Variants in SERPINB4 observed in about 807,000 individuals in gnomAD.
SERPINB4 encodes the protein serpin family B member 4.
In SERPINB4, 39 loss-of-function variants were observed where a neutral mutation model predicts 33.2. The ratio of observed to expected loss-of-function variants is 1.18; its 90% CI spans 0.91 to 1.53. The LOEUF is 1.53. Among genes scored for constraint, SERPINB4 ranks in the 40% most tolerant of loss-of-function variants. SERPINB4 has a pLI of 0.00. For missense variants in SERPINB4, 564 were observed against 455.4 expected (o/e 1.24, Z -2.17); for synonymous variants, 191 against 166.4 (o/e 1.15, Z -1.14).
Position 63,639,342 on chromosome 18 carries a change from T to C in SERPINB4, c.613-2A>G, listed in dbSNP as rs370292490. The C allele has an allele frequency of 2.6e-5, 41 of 1,599,196 alleles. No homozygotes were observed. Among genetic ancestry groups the C allele is most frequent in the Non-Finnish European group, 3.2e-5 (38 of 1,170,496 alleles). ...CATCTGTACAGATTTGTATGTATTC[T>C]GCAATAAATCAATGTGTCCAACAAA... On this transcript the variant is annotated splice_acceptor_variant, in intron 6 of 7. Transcript: ENST00000341074. LOFTEE classifies it high-confidence loss of function.
chr18:63,639,345 AATAAATC>A lies in SERPINB4; in HGVS notation c.613-12_613-6del. The stretch of plus-strand genomic sequence containing the variant: ...CTGTACAGATTTGTATGTATTCTGC[AATAAATC>A]AATGTGTCCAACAAATAACACGTGA... On this transcript the variant is annotated splice_region_variant and splice_polypyrimidine_tract_variant and intron_variant, in intron 6 of 7. Transcript: ENST00000341074. 1 of 1,597,454 alleles carries A rather than the reference AATAAATC, an allele frequency of 6.3e-7. No homozygotes were observed. Among genetic ancestry groups the A allele is most frequent in the Non-Finnish European group, 8.6e-7 (1 of 1,168,992 alleles).
chr18:63,641,105 G>A (rs1369498728), intron 4 of SERPINB4, 114 bp from the exon 5 acceptor site: 2 of 798,246 alleles, frequency 2.5e-6, no homozygotes, highest in African/African-American at 1.7e-5. Context: ...AATAGATGCA[G>A]TATCTCCTGT....
rs781632378 is a variant in SERPINB4 at position 63,639,753 on chromosome 18, C to T, written c.493G>A (p.Asp165Asn). The T allele has an allele frequency of 3.7e-6, 6 of 1,611,338 alleles. No homozygotes were observed. The highest frequency in any genetic ancestry group is 5.1e-6 in the Non-Finnish European group (6 of 1,178,376). The change falls in exon 6 of 8, where the codon GAT (aspartate) becomes AAT (asparagine). Residue 165 changes from aspartate to asparagine, a missense_variant. Physicochemically the swap from Asp to Asn is conservative, Grantham distance 23 (BLOSUM62 1). Coordinates refer to ENST00000341074, the MANE Select transcript of SERPINB4 (RefSeq NM_002974.4). ...TNEKIKNLFP[D>N]GTIGNDTTLV... ...GTCGTATCATTGCCAATAGTCCCAT[C>T]AGGAAATAGGTTTTTAATTTTTTCT...
rs755293512 is a variant in SERPINB4, at chr18:63,638,052, G to T, written c.840C>A (p.Val280=). ...TSLQNMRETC[V]DLHLPRFKME... ...TTTTGAACCGAGGTAAGTGTAAATCGACACATGTCTCTCTCATATTCTGCA... is the reference window on the plus strand; with the variant it reads ...TTTTGAACCGAGGTAAGTGTAAATCTACACATGTCTCTCTCATATTCTGCA... The change falls in exon 8 of 8, where the codon GTC becomes GTA. Residue 280 remains valine, a synonymous_variant. Coordinates refer to ENST00000341074, the MANE Select transcript of SERPINB4 (RefSeq NM_002974.4). The T allele has an allele frequency of 2.3e-5, 37 of 1,613,348 alleles. No homozygotes were observed. Among genetic ancestry groups the T allele is most frequent in the Non-Finnish European group, 3.1e-5 (36 of 1,179,704 alleles).
Position 63,643,432 on chromosome 18 carries a change from G to A in SERPINB4, c.146C>T (p.Thr49Ile), listed in dbSNP as rs1427395825. 2 of 1,613,604 alleles carry A rather than the reference G, an allele frequency of 1.2e-6. No homozygotes were observed. Among genetic ancestry groups the A allele is most frequent in the African/African-American group, 2.7e-5 (2 of 74,896 alleles). Residue 49 changes from threonine (T) to isoleucine (I), a missense_variant, in exon 2 of 8, where the codon ACT becomes ATT. By Grantham distance (89) the Thr-to-Ile change is moderately conservative. Coordinates refer to ENST00000341074, the MANE Select transcript of SERPINB4 (RefSeq NM_002974.4). ...AGCTACCTTGCTAATTTGTTGTGCA[G>A]TGTTGTCTTTGGCTCCTAAGAGGAC... Reference protein sequence around the residue: ...GMVLLGAKDNTAQQISKVLHF... With the variant: ...GMVLLGAKDNIAQQISKVLHF...
rs576622613 is a variant in SERPINB4 at position 63,637,484 on chromosome 18, C to T, written c.*235G>A. The T allele has an allele frequency of 6.9e-5, 30 of 431,838 alleles. No individual in the cohort carries two copies. Among genetic ancestry groups the T allele is most frequent in the South Asian group, 1.8e-4 (3 of 16,380 alleles). The allele number at this position is 431,838 out of a possible 1,614,324, so 26.8% of individuals were successfully genotyped here. ...ATTAAATGATTCATCTTATCTTGGA[C>T]ATTTTTCCTCAAGGGAAATTTTTCT... is the stretch of plus-strand genomic sequence containing the variant. On this transcript the variant is annotated 3_prime_UTR_variant, in exon 8 of 8. Transcript: ENST00000341074.
Position 63,640,919 on chromosome 18 carries a change from C to A in SERPINB4, c.424G>T (p.Glu142Ter), listed in dbSNP as rs1250534593. ...CAGGAGTTAATCTTCTTTCGACTTT[C>A]TTCTGGAGCATTTGCAAAATCAGTA... The part of the protein sequence containing the change: ...ESTDFANAPE[E>*]SRKKINSWVE... Residue 142 changes from glutamate (E) to a stop codon, truncating the protein, a stop_gained, in exon 5 of 8, where the codon GAA becomes TAA. Coordinates refer to ENST00000341074, the MANE Select transcript of SERPINB4 (RefSeq NM_002974.4). LOFTEE classifies it high-confidence loss of function. The A allele has an allele frequency of 1.9e-6, 3 of 1,612,714 alleles. No homozygotes were observed. Among genetic ancestry groups the A allele is most frequent in the Non-Finnish European group, 2.5e-6 (3 of 1,179,262 alleles).
intron 4 of SERPINB4, 143 bp from the exon 5 acceptor site, chr18:63,641,134 A>G (rs531514914): frequency 1.6e-5 from 11 of 674,492 alleles, no homozygotes; most frequent in Non-Finnish European, 2.5e-5. Context: ...ATTTTTATAC[A>G]GGTGTCATGT....
rs764290423 is a variant in SERPINB4, at chr18:63,637,764, A to G, written c.1128T>C (p.Asn376=). ...NHPFLFFIRQ[N]KTNSILFYGR... is the part of the protein sequence containing the mutation. ...CATAGAAGAGGATGCTGTTGGTCTT[A>G]TTTTGCCTTATGAAGAATAGGAAAG... The change falls in exon 8 of 8, where the codon AAT becomes AAC. Residue 376 remains asparagine, a synonymous_variant. Coordinates refer to ENST00000341074, the MANE Select transcript of SERPINB4 (RefSeq NM_002974.4). 1 of 1,613,154 alleles carries G rather than the reference A, an allele frequency of 6.2e-7. No homozygotes were observed. Among genetic ancestry groups the G allele is most frequent in the African/African-American group, 1.3e-5 (1 of 74,956 alleles).
At chr18:63,642,919 T>G (rs562850064) in intron 3 of SERPINB4, 37 of 522,634 alleles carry the variant, frequency 7.1e-5, no homozygotes, top group Non-Finnish European at 1.2e-4. Flanking sequence ...AGCTGGAGTC[T>G]GAACCCAGCC....
chr18:63,641,609 GGA>G, intron 4 of SERPINB4, 149 bp downstream of exon 4: 1 of 1,135,498 alleles, frequency 8.8e-7, no homozygotes. Context: ...CTCCAGTGGG[GGA>G]GAGTTGTGGA....
intron 5 of SERPINB4, among the ~76,000 whole-genome samples, 196 bp from the exon 6 acceptor site, chr18:63,639,972 G>C (rs1162934566): frequency 6.6e-6 from 1 of 152,002 alleles, no homozygotes; most frequent in Non-Finnish European, 1.5e-5. Context: ...GGCTCCAGTC[G>C]TATAAAGTTA....
rs573743437 is a variant in SERPINB4, at chr18:63,643,886, A to G, written c.-26-283T>C. ...GCTGGTTACACTAGAGCTAGGTAGGATGGCTTTACAATGAATGCTAACAGG... is the reference window on the plus strand; with the variant it reads ...GCTGGTTACACTAGAGCTAGGTAGGGTGGCTTTACAATGAATGCTAACAGG... On this transcript the variant is annotated intron_variant, in intron 1 of 7. Coordinates refer to ENST00000341074, the MANE Select transcript of SERPINB4 (RefSeq NM_002974.4). Among the ~76,000 whole-genome samples the G allele has an allele frequency of 2.8e-4, 43 of 152,128 alleles. No homozygotes were observed. In the South Asian group the frequency reaches 8.9e-3, roughly 32 times the overall value.
At chr18:63,643,278 G>A in intron 2 of SERPINB4, 61 bp from the exon 3 acceptor site, 3 of 1,612,142 alleles carry the variant, frequency 1.9e-6, no homozygotes, top group South Asian at 2.2e-5. Flanking sequence ...TAAGTCAGTG[G>A]TCTCACAGTT....
rs1912991394 is a variant in SERPINB4, at chr18:63,637,987, A to G, written c.905T>C (p.Met302Thr). ...CCCATTGAAGATATTCACCATTCCC[A>G]TGGTTCTCAACGTGTCCTTGAGGTC... The part of the protein sequence containing the change: ...SYDLKDTLRT[M>T]GMVNIFNGDA... Residue 302 changes from methionine to threonine, a missense_variant, in exon 8 of 8, where the codon ATG (methionine) becomes ACG (threonine). By Grantham distance (81) the Met-to-Thr change is moderately conservative. Coordinates refer to ENST00000341074, the MANE Select transcript of SERPINB4 (RefSeq NM_002974.4). The G allele has an allele frequency of 1.2e-6, 2 of 1,613,406 alleles. No homozygotes were observed. Among genetic ancestry groups the G allele is most frequent in the Non-Finnish European group, 1.7e-6 (2 of 1,179,742 alleles).
rs143833015 is a variant in SERPINB4 at position 63,637,806 on chromosome 18, C to G, written c.1086G>C (p.Glu362Asp). The change falls in exon 8 of 8, where the codon GAG becomes GAC. Residue 362 changes from glutamate (E) to aspartate (D), a missense_variant. Coordinates refer to ENST00000341074, the MANE Select transcript of SERPINB4 (RefSeq NM_002974.4). ...VELSSPSTNE[E>D]FCCNHPFLFF... is the part of the protein sequence containing the mutation. ...ATAGGAAAGGGTGATTACAACAGAACTCTTCATTAGTTGAAGGAGATGATA... is the reference window on the plus strand; with the variant it reads ...ATAGGAAAGGGTGATTACAACAGAAGTCTTCATTAGTTGAAGGAGATGATA... The G allele has an allele frequency of 1.1e-5, 18 of 1,613,426 alleles. No homozygotes were observed. Among genetic ancestry groups the G allele is most frequent in the Non-Finnish European group, 1.4e-5 (17 of 1,179,684 alleles).
intron 3 of SERPINB4, 96 bp from the exon 4 acceptor site, chr18:63,641,984 G>A: frequency 6.5e-7 from 1 of 1,542,236 alleles, no homozygotes; most frequent in Non-Finnish European, 8.9e-7. Flanking sequence ...AATGCTGGTA[G>A]TCTCATTGAG....
Position 63,640,921 on chromosome 18 carries a change from T to C in SERPINB4, c.422A>G (p.Glu141Gly), listed in dbSNP as rs201970247. ...GGAGTTAATCTTCTTTCGACTTTCT[T>C]CTGGAGCATTTGCAAAATCAGTAGA... Reference protein sequence around the residue: ...VESTDFANAPEESRKKINSWV... With the variant: ...VESTDFANAPGESRKKINSWV... Residue 141 changes from glutamate (E) to glycine (G), a missense_variant, in exon 5 of 8, where the codon GAA (glutamate) becomes GGA (glycine). Coordinates refer to ENST00000341074, the MANE Select transcript of SERPINB4 (RefSeq NM_002974.4). The C allele has an allele frequency of 4.5e-5, 73 of 1,612,802 alleles. No homozygotes were observed. The highest frequency in any genetic ancestry group is 6.2e-5 in the Non-Finnish European group (73 of 1,179,304).
rs368724496 is a variant in SERPINB4, at chr18:63,638,010, G to T, written c.882C>A (p.Asp294Glu). Residue 294 changes from aspartate (D) to glutamate (E), a missense_variant, in exon 8 of 8, where the codon GAC becomes GAA. Transcript: ENST00000341074. ...LPRFKMEESY[D>E]LKDTLRTMGM... Reference sequence around the variant, plus strand: ...CCATGGTTCTCAACGTGTCCTTGAGGTCATAGCTCTCTTCCATTTTGAACC... The same window carrying T: ...CCATGGTTCTCAACGTGTCCTTGAGTTCATAGCTCTCTTCCATTTTGAACC... 1.9e-6 allele frequency: 3 copies of T among 1,613,648 alleles called. No homozygotes were observed. The highest frequency in any genetic ancestry group is 1.1e-5 in the South Asian group (1 of 91,076).
Sources: allele counts gnomAD v4.1 joint callset (sites outside exome capture counted in the v4.1 genomes callset), GRCh38; gene constraint gnomAD v4.1.1; transcripts MANE v1.5; gene names NCBI Gene and HGNC (gene_info 2026-07-23, HGNC 2026-07-21).